Variants in LAMA1 observed in about 807,000 individuals in gnomAD.
LAMA1 encodes the protein laminin subunit alpha-1.
A neutral mutation model predicts 348.7 loss-of-function variants in LAMA1; 219 were observed. The observed-to-expected ratio is 0.63, with a 90% CI of 0.56 to 0.70. The LOEUF is 0.70. Ranked by LOEUF, LAMA1 falls within the 30% of genes least tolerant of loss-of-function variation. LAMA1 has a pLI of 0.00. For synonymous variants in LAMA1, 1,487 were observed against 1,491.0 expected (o/e 1.00, Z 0.06); for missense variants, 3,744 against 3,888.0 (o/e 0.96, Z 0.99).
At position 7,033,045 on chromosome 18, in the gene LAMA1, A is replaced by C; in HGVS notation, c.2102T>G (p.Val701Gly). Reference sequence around the variant, plus strand: ...ACAGTGCTCCACATCAGCGGCCACCACCAGGTCGATGGCATTAGAGCTGGC... The same window carrying C: ...ACAGTGCTCCACATCAGCGGCCACCCCCAGGTCGATGGCATTAGAGCTGGC... ...DIASSNAIDL[V>G]VAADVEHCEC... is the part of the protein sequence containing the mutation. The change falls in exon 15 of 63, where the codon GTG becomes GGG. Residue 701 changes from valine to glycine, a missense_variant. Physicochemically the swap from Val to Gly is moderately radical, Grantham distance 109 (BLOSUM62 -3). Transcript: ENST00000389658. The C allele has an allele frequency of 6.2e-7, 1 of 1,612,536 alleles. No individual in the cohort carries two copies. The highest frequency in any genetic ancestry group is 8.5e-7 in the Non-Finnish European group (1 of 1,179,346).
intron 54 of LAMA1, 69 bp from the exon 55 acceptor site, chr18:6,958,731 C>T (rs2144000465): frequency 6.8e-6 from 9 of 1,332,062 alleles, no homozygotes; most frequent in East Asian, 2.4e-5. Context: ...CATTTTAGTC[C>T]ATAATTCCCA....
intron 17 of LAMA1, among the ~76,000 whole-genome samples, chr18:7,025,735 T>A (rs1045340413): frequency 6.6e-6 from 1 of 152,198 alleles, no homozygotes; most frequent in Non-Finnish European, 1.5e-5. Context: ...CCAAGAGGAA[T>A]CAAGAGGGAA....
At position 6,969,094 on chromosome 18, in the gene LAMA1, C is replaced by T. The variant is rs1600357846; in HGVS notation, c.6899+2763G>A. On this transcript the variant is annotated intron_variant, in intron 48 of 62. Coordinates refer to ENST00000389658, the MANE Select transcript of LAMA1 (RefSeq NM_005559.4). ...GTAAAGTGCCAGTCTGTGCCTATATCAGCACTTCACAAAATATGTTTTACG... is the reference window on the plus strand; with the variant it reads ...GTAAAGTGCCAGTCTGTGCCTATATTAGCACTTCACAAAATATGTTTTACG... 2.0e-5 allele frequency among the ~76,000 whole-genome samples: 3 copies of T among 152,030 alleles called. No homozygotes were observed. The East Asian group carries it at 5.8e-4, about 29-fold the overall frequency.
intron 48 of LAMA1, 100 bp from the exon 49 acceptor site, chr18:6,966,397 CT>C (rs1459876428): frequency 1.3e-5 from 13 of 966,252 alleles, no homozygotes; most frequent in Non-Finnish European, 9.7e-6. Flanking sequence ...CACTGTAGAG[CT>C]ATTAGTTCCA....
At chr18:7,034,770 A>T in intron 13 of LAMA1, 80 bp from the exon 14 acceptor site, 1 of 1,378,978 alleles carries the variant, frequency 7.3e-7, no homozygotes, top group Non-Finnish European at 1.0e-6. Flanking sequence ...TTTTGTATTC[A>T]GCAACGTGGT....
chr18:7,085,391 C>T (rs1568061476), intron 1 of LAMA1, among the ~76,000 whole-genome samples: 1 of 144,500 alleles, frequency 6.9e-6, no homozygotes, highest in East Asian at 2.1e-4. Context: ...ATTTATTTTA[C>T]TCTTTTTTTC....
chr18:7,110,402 A>G (rs1386380632), intron 1 of LAMA1, among the ~76,000 whole-genome samples: 1 of 152,240 alleles, frequency 6.6e-6, no homozygotes, highest in Non-Finnish European at 1.5e-5. Context: ...AATGCCAAGA[A>G]CAGGAGAAAC....
At chr18:7,038,630 C>T (rs1462748610) in intron 11 of LAMA1, 180 bp downstream of exon 11, 3 of 780,694 alleles carry the variant, frequency 3.8e-6, no homozygotes, top group South Asian at 3.0e-5. Context: ...GGAGTAAGCA[C>T]ATGACCTATA....
intron 1 of LAMA1, among the ~76,000 whole-genome samples, chr18:7,107,340 C>G (rs777909534): frequency 1.3e-5 from 2 of 151,928 alleles, no homozygotes; most frequent in African/African-American, 4.8e-5. Flanking sequence ...GGATGGTCTC[C>G]ATCTCCTGAC....
intron 1 of LAMA1, among the ~76,000 whole-genome samples, chr18:7,096,893 G>A (rs917878087): frequency 3.9e-5 from 6 of 152,188 alleles, no homozygotes; most frequent in African/African-American, 1.4e-4. Flanking sequence ...GGTAAGATGC[G>A]TGGAAGAGAG....
chr18:7,025,543 T>C (rs2057938652), intron 17 of LAMA1, among the ~76,000 whole-genome samples: 1 of 151,044 alleles, frequency 6.6e-6, no homozygotes, highest in Non-Finnish European at 1.5e-5. Flanking sequence ...AGGCACTCCA[T>C]AAATATCTGT....
At chr18:6,999,702 G>A in intron 31 of LAMA1, 64 bp from the exon 32 acceptor site, 3 of 1,389,362 alleles carry the variant, frequency 2.2e-6, no homozygotes, top group Middle Eastern at 2.0e-4. Context: ...ACTTGCGACA[G>A]TAATCATTTC....
intron 1 of LAMA1, among the ~76,000 whole-genome samples, chr18:7,101,840 A>ATTT (rs34199422): frequency 7.6e-6 from 1 of 131,758 alleles, no homozygotes; most frequent in Non-Finnish European, 1.6e-5. Flanking sequence ...GCTAATTTCT[A>ATTT]TTTTTTTTTT....
chr18:7,025,728 A>G (rs35687740), intron 17 of LAMA1, among the ~76,000 whole-genome samples: 2,818 of 152,310 alleles, frequency 0.019, 25 homozygotes, highest in Middle Eastern at 0.071. Context: ...CTGATGACCA[A>G]GAGGAATCAA....
Position 6,977,858 on chromosome 18 carries a change from T to C in LAMA1, c.6214A>G (p.Lys2072Glu). 1 of 1,613,236 alleles carries C rather than the reference T, an allele frequency of 6.2e-7. No homozygotes were observed. The highest frequency in any genetic ancestry group is 8.5e-7 in the Non-Finnish European group (1 of 1,180,018). The change falls in exon 44 of 63, where the codon AAA (lysine) becomes GAA (glutamate). Residue 2072 changes from lysine to glutamate, a missense_variant. By Grantham distance (56) the Lys-to-Glu change is moderately conservative (BLOSUM62 1). Coordinates refer to ENST00000389658, the MANE Select transcript of LAMA1 (RefSeq NM_005559.4). Reference protein sequence around the residue: ...MATLLAGRKVKDVEIQANLLF... With the variant: ...MATLLAGRKVEDVEIQANLLF... ...AGGTTGGCTTGAATTTCCACGTCTTTGACTTTTCTTCCAGCCAACAGAGCT... is the reference window on the plus strand; with the variant it reads ...AGGTTGGCTTGAATTTCCACGTCTTCGACTTTTCTTCCAGCCAACAGAGCT...
At chr18:7,040,303 A>G (rs1048104948) in intron 9 of LAMA1, 67 bp from the exon 10 acceptor site, 1 of 1,543,780 alleles carries the variant, frequency 6.5e-7, no homozygotes, top group Admixed American at 1.7e-5. Context: ...GGGTTGGCAA[A>G]TGTTTTCTGT....
At chr18:6,976,809 T>G (rs952548253) in intron 44 of LAMA1, among the ~76,000 whole-genome samples, 2 of 151,934 alleles carry the variant, frequency 1.3e-5, no homozygotes, top group Admixed American at 6.6e-5. Context: ...AGGATCTTAT[T>G]ATGTTTCCTA....
Position 7,046,379 on chromosome 18 carries a change from G to C in LAMA1, c.769-12C>G. The C allele has an allele frequency of 6.7e-7, 1 of 1,493,386 alleles. No homozygotes were observed. The highest frequency in any genetic ancestry group is 9.3e-7 in the Non-Finnish European group (1 of 1,075,200). The allele number at this position is 1,493,386 out of a possible 1,614,324, so 92.5% of individuals were successfully genotyped here. A position where few individuals can be genotyped will look rare whatever the true frequency, so the allele number is the denominator to read the frequency against. The stretch of plus-strand genomic sequence containing the variant: ...ATTGAATAATAATACTAAGGAAAAA[G>C]AAAGTTATGAACAAAAATTAAAACC... On this transcript the variant is annotated splice_polypyrimidine_tract_variant and intron_variant, in intron 5 of 62. Coordinates refer to ENST00000389658, the MANE Select transcript of LAMA1 (RefSeq NM_005559.4).
intron 1 of LAMA1, among the ~76,000 whole-genome samples, chr18:7,081,183 C>T (rs1358395418): frequency 6.6e-6 from 1 of 151,772 alleles, no homozygotes; most frequent in Admixed American, 6.6e-5. Context: ...AAAACCAAGG[C>T]GAGAGTATGG....
Sources: gnomAD v4.1 joint callset for allele counts (sites outside exome capture counted in the v4.1 genomes callset) on GRCh38, gnomAD v4.1.1 for gene constraint, MANE v1.5 for transcripts, NCBI Gene and HGNC (gene_info 2026-07-23, HGNC 2026-07-21) for gene names.